Variants in NLGN1 observed in about 807,000 individuals in gnomAD.
The protein encoded by NLGN1 is neuroligin 1, also known as neuroligin-1.
In NLGN1, 12 loss-of-function variants were observed where a neutral mutation model predicts 65.5. That is an observed-to-expected ratio of 0.18 (90% CI 0.12 to 0.30). NLGN1 has a LOEUF of 0.30. NLGN1 is among the 10% of genes least tolerant of loss of function. NLGN1 has a pLI of 1.00. For synonymous variants in NLGN1, 350 were observed against 359.5 expected, an observed-to-expected ratio of 0.97 and a Z score of 0.30; for missense variants, 750 against 1,007.1, an observed-to-expected ratio of 0.74 and a Z score of 3.46.
At chr3:173,521,690 A>C (rs1441771990) in intron 2 of NLGN1, among the ~76,000 whole-genome samples, 1 of 152,298 alleles carries the variant, frequency 6.6e-6, no homozygotes, top group South Asian at 2.1e-4. Flanking sequence ...GCCTAGTAAT[A>C]ATAATAATGA....
At chr3:173,699,487 G>A (rs1473575140) in intron 3 of NLGN1, among the ~76,000 whole-genome samples, 1 of 152,162 alleles carries the variant, frequency 6.6e-6, no homozygotes, top group African/African-American at 2.4e-5. Flanking sequence ...ATTTTTCCAG[G>A]ACAGCAGTAA....
chr3:173,947,680 A>G (rs1431451298), intron 4 of NLGN1, among the ~76,000 whole-genome samples: 1 of 152,224 alleles, frequency 6.6e-6, no homozygotes, highest in Non-Finnish European at 1.5e-5. Context: ...AATATCATGA[A>G]CATTCACTTA....
intron 1 of NLGN1, among the ~76,000 whole-genome samples, chr3:173,427,791 G>A (rs1484134184): frequency 2.7e-5 from 4 of 150,860 alleles, no homozygotes. Context: ...TTCTTCAGTA[G>A]TTTGTTGAAA....
intron 4 of NLGN1, among the ~76,000 whole-genome samples, chr3:173,927,911 G>C (rs895237254): frequency 6.6e-6 from 1 of 152,078 alleles, no homozygotes; most frequent in Non-Finnish European, 1.5e-5. Flanking sequence ...GGCTCCAAGA[G>C]TCCTTACTTC....
At chr3:174,115,745 G>C (rs982347995) in intron 4 of NLGN1, among the ~76,000 whole-genome samples, 3 of 152,106 alleles carry the variant, frequency 2.0e-5, no homozygotes, top group Non-Finnish European at 4.4e-5. Context: ...AAAGCTCTAG[G>C]GTTTAAAAGT....
At chr3:173,979,590 G>C (rs555192118) in intron 4 of NLGN1, among the ~76,000 whole-genome samples, 232 of 152,200 alleles carry the variant, frequency 1.5e-3, no homozygotes, top group African/African-American at 5.6e-3. Flanking sequence ...CAACAGCTAT[G>C]GTTAGTGTAA....
intron 4 of NLGN1, among the ~76,000 whole-genome samples, chr3:173,931,821 T>C (rs1354098963): frequency 6.6e-6 from 1 of 152,044 alleles, no homozygotes; most frequent in Non-Finnish European, 1.5e-5. Flanking sequence ...ATTGTAATAA[T>C]CCAAGTGAGA....
chr3:173,550,350 G>A lies in NLGN1; in HGVS notation c.-320-53929G>A, dbSNP rs917890542. 2.6e-5 allele frequency among the ~76,000 whole-genome samples: 4 copies of A among 151,674 alleles called. No individual in the cohort carries two copies. The East Asian group carries it at 5.8e-4, about 22-fold the overall frequency. ...CATGTTTTGATGAATAGCGTGTTTC[G>A]GCACACATGCATGTTGTCAAGGAAG... On this transcript the variant is annotated intron_variant, in intron 2 of 6. Transcript: ENST00000457714.
intron 4 of NLGN1, among the ~76,000 whole-genome samples, chr3:173,941,246 C>T (rs1746035943): frequency 6.6e-6 from 1 of 151,934 alleles, no homozygotes; most frequent in African/African-American, 2.4e-5. Flanking sequence ...ATTAAATCTT[C>T]TGCTTGTGCA....
chr3:173,555,212 C>G (rs150007123), intron 2 of NLGN1, among the ~76,000 whole-genome samples: 257 of 152,312 alleles, frequency 1.7e-3, no homozygotes, highest in African/African-American at 5.8e-3. Flanking sequence ...CATGAATGGG[C>G]ATAACATTTT....
intron 4 of NLGN1, among the ~76,000 whole-genome samples, chr3:173,854,735 ACATCT>A (rs1727628539): frequency 6.6e-6 from 1 of 152,080 alleles, no homozygotes; most frequent in Non-Finnish European, 1.5e-5. Flanking sequence ...TTGGGGATTG[ACATCT>A]GAACTGAGCT....
At chr3:174,228,456 AAGTGGTAGGGGCTAC>A (rs949268505) in intron 4 of NLGN1, among the ~76,000 whole-genome samples, 37 of 152,256 alleles carry the variant, frequency 2.4e-4, no homozygotes, top group African/African-American at 8.9e-4. Context: ...AATACCTGCT[AAGTGGTAGGGGCTAC>A]AGAAACAAAA....
chr3:173,580,241 T>G (rs186956406), intron 2 of NLGN1, among the ~76,000 whole-genome samples: 8 of 152,276 alleles, frequency 5.3e-5, no homozygotes, highest in East Asian at 3.9e-4. Flanking sequence ...CCATTTGGTA[T>G]TAATCAATCC....
intron 4 of NLGN1, among the ~76,000 whole-genome samples, chr3:173,863,283 A>G (rs760721724): frequency 3.3e-5 from 5 of 152,048 alleles, no homozygotes; most frequent in South Asian, 2.1e-4. Context: ...ATTTTTCTCC[A>G]TGACATATAC....
At chr3:174,174,747 TA>T (rs1202322464) in intron 4 of NLGN1, among the ~76,000 whole-genome samples, 1 of 151,734 alleles carries the variant, frequency 6.6e-6, no homozygotes, top group Non-Finnish European at 1.5e-5. Flanking sequence ...TCAGGTTATT[TA>T]AAGTTTTCTC....
At chr3:173,655,520 G>T (rs1759863168) in intron 3 of NLGN1, among the ~76,000 whole-genome samples, 1 of 151,694 alleles carries the variant, frequency 6.6e-6, no homozygotes, top group African/African-American at 2.4e-5. Flanking sequence ...ATTTTTGGAA[G>T]CATATATGAC....
intron 4 of NLGN1, among the ~76,000 whole-genome samples, chr3:174,043,588 A>T (rs1398256231): frequency 6.6e-6 from 1 of 152,210 alleles, no homozygotes; most frequent in Non-Finnish European, 1.5e-5. Context: ...ATCTCCTTTG[A>T]CTCCATGTCT....
chr3:173,508,376 T>C (rs1237595179), intron 2 of NLGN1, among the ~76,000 whole-genome samples: 2 of 152,188 alleles, frequency 1.3e-5, no homozygotes, highest in African/African-American at 4.8e-5. Flanking sequence ...TGATTTTATG[T>C]CATCTAGGGA....
intron 4 of NLGN1, among the ~76,000 whole-genome samples, chr3:174,140,493 A>G (rs1722078126): frequency 6.6e-6 from 1 of 152,150 alleles, no homozygotes; most frequent in South Asian, 2.1e-4. Flanking sequence ...CCTAGGAGAC[A>G]GGGAATATTA....
Sources: allele counts gnomAD v4.1 joint callset (sites outside exome capture counted in the v4.1 genomes callset), GRCh38; gene constraint gnomAD v4.1.1; transcripts MANE v1.5; gene names NCBI Gene and HGNC (gene_info 2026-07-23, HGNC 2026-07-21).